RALGPS2: variants seen among roughly 807,000 people sequenced by gnomAD.
RALGPS2 encodes Ral GEF with PH domain and SH3 binding motif 2, also known as ras-specific guanine nucleotide-releasing factor RalGPS2.
Under a neutral mutation model 86.8 loss-of-function variants are expected in RALGPS2, and 43 were observed. The ratio of observed to expected loss-of-function variants is 0.50; its 90% CI spans 0.39 to 0.64. RALGPS2 has a LOEUF of 0.64. Among genes scored for constraint, RALGPS2 ranks in the 30% least tolerant of loss-of-function variants. RALGPS2 has a pLI of 0.00. For missense variants in RALGPS2, 536 were observed against 694.6 expected (o/e 0.77, Z 2.57); for synonymous variants, 243 against 231.3 (o/e 1.05, Z -0.46).
intron 8 of RALGPS2, among the ~76,000 whole-genome samples, chr1:178,862,602 TTTA>T (rs1423697181): frequency 1.5e-5 from 2 of 137,104 alleles, no homozygotes; most frequent in Non-Finnish European, 1.5e-5. Context: ...TTTTTATTTA[TTTA>T]TTTATTTATT....
At chr1:178,757,908 A>G (rs562554878) in intron 1 of RALGPS2, among the ~76,000 whole-genome samples, 8 of 152,204 alleles carry the variant, frequency 5.3e-5, no homozygotes, top group South Asian at 2.1e-4. Context: ...TTGTGAATCC[A>G]TCTGGTCTAG....
intron 1 of RALGPS2, among the ~76,000 whole-genome samples, chr1:178,764,112 G>T (rs956718613): frequency 6.6e-6 from 1 of 151,522 alleles, no homozygotes; most frequent in Non-Finnish European, 1.5e-5. Context: ...CTCTTCATAG[G>T]TCTCTAAGAA....
At chr1:178,813,130 A>G (rs1381851136) in intron 6 of RALGPS2, among the ~76,000 whole-genome samples, 1 of 151,790 alleles carries the variant, frequency 6.6e-6, no homozygotes, top group East Asian at 1.9e-4. Context: ...ATGGGGTTTC[A>G]CCATGTTGGG....
intron 8 of RALGPS2, among the ~76,000 whole-genome samples, chr1:178,863,963 T>C (rs1658212173): frequency 6.6e-6 from 1 of 152,210 alleles, no homozygotes; most frequent in East Asian, 1.9e-4. Flanking sequence ...TCCTGCCTTT[T>C]CAATAAGTGA....
At chr1:178,791,639 A>G (rs892830339) in intron 4 of RALGPS2, among the ~76,000 whole-genome samples, 1 of 152,200 alleles carries the variant, frequency 6.6e-6, no homozygotes, top group Non-Finnish European at 1.5e-5. Flanking sequence ...TGAGTTACGT[A>G]TAATATATAT....
intron 4 of RALGPS2, among the ~76,000 whole-genome samples, chr1:178,805,004 T>C (rs1268132568): frequency 1.3e-5 from 2 of 149,506 alleles, no homozygotes; most frequent in East Asian, 3.9e-4. Flanking sequence ...ATTGTGGTTT[T>C]GATTTGCATT....
At chr1:178,827,633 G>A (rs899027975) in intron 7 of RALGPS2, among the ~76,000 whole-genome samples, 1 of 151,920 alleles carries the variant, frequency 6.6e-6, no homozygotes, top group Non-Finnish European at 1.5e-5. Context: ...CTGACCTCGT[G>A]ATCCGCCCGC....
chr1:178,743,315 T>G (rs991016167), intron 1 of RALGPS2, among the ~76,000 whole-genome samples: 1 of 152,122 alleles, frequency 6.6e-6, no homozygotes, highest in Non-Finnish European at 1.5e-5. Context: ...AGATCTCAAA[T>G]CATTCACTTC....
At chr1:178,755,972 C>G (rs1651940047) in intron 1 of RALGPS2, among the ~76,000 whole-genome samples, 1 of 152,172 alleles carries the variant, frequency 6.6e-6, no homozygotes, top group South Asian at 2.1e-4. Flanking sequence ...TTCTTGGCCA[C>G]TTGTATGTCT....
At position 178,918,002 on chromosome 1, in the gene RALGPS2, A is replaced by G. The variant is rs1163646233; in HGVS notation, c.*1643A>G. The G allele has an allele frequency of 2.6e-5, 4 of 152,206 alleles. No homozygotes were observed. Among genetic ancestry groups the G allele is most frequent in the Non-Finnish European group, 5.9e-5 (4 of 68,016 alleles). 9.4% of individuals were successfully genotyped at this position (152,206 alleles called of 1,614,324 possible). A position where few individuals can be genotyped will look rare whatever the true frequency, so the allele number is the denominator to read the frequency against. The stretch of plus-strand genomic sequence containing the variant: ...TTCAATAGAAAATATTGCTTATACA[A>G]TAATTAGCTTAAAATCCATCCAAAG... On this transcript the variant is annotated 3_prime_UTR_variant, in exon 20 of 20. Transcript: ENST00000367635.
chr1:178,843,667 A>G (rs1239438619), intron 8 of RALGPS2, among the ~76,000 whole-genome samples: 1 of 151,066 alleles, frequency 6.6e-6, no homozygotes, highest in African/African-American at 2.4e-5. Context: ...AAAAAAAAAA[A>G]GAAAGAAAGA....
chr1:178,843,617 A>C (rs1198850155), intron 8 of RALGPS2, among the ~76,000 whole-genome samples: 1 of 151,706 alleles, frequency 6.6e-6, no homozygotes, highest in African/African-American at 2.4e-5. Context: ...ACAAACCTGC[A>C]CATTGTGTAC....
rs200703895 is a variant in RALGPS2, at chr1:178,835,479, G to A, written c.607+1929G>A. Among the ~76,000 whole-genome samples the A allele has an allele frequency of 2.7e-4, 39 of 144,438 alleles. No homozygotes were observed. The East Asian group carries it at 4.1e-3, about 15-fold the overall frequency. 94.8% of individuals were successfully genotyped at this position (144,438 alleles called of 152,430 possible). A position where few individuals can be genotyped will look rare whatever the true frequency, so the allele number is the denominator to read the frequency against. On this transcript the variant is annotated intron_variant, in intron 8 of 19. Coordinates refer to ENST00000367635, the MANE Select transcript of RALGPS2 (RefSeq NM_152663.5). ...ACAGTCTCAGCTCACTGCAACCTCC[G>A]CCTCCTGGGTTCAAGTGATTCTCCT...
intron 19 of RALGPS2, 132 bp downstream of exon 19, chr1:178,906,999 G>C: frequency 1.3e-6 from 1 of 774,886 alleles, no homozygotes; most frequent in Non-Finnish European, 2.1e-6. Flanking sequence ...GTTGATTACA[G>C]TTAATAAGAT....
At chr1:178,795,243 G>A (rs1430280552) in intron 4 of RALGPS2, among the ~76,000 whole-genome samples, 1 of 151,134 alleles carries the variant, frequency 6.6e-6, no homozygotes, top group African/African-American at 2.4e-5. Flanking sequence ...AATACATTAA[G>A]TCAGACATTT....
chr1:178,883,377 A>AGG, intron 10 of RALGPS2, 89 bp from the exon 11 acceptor site: 1 of 1,011,410 alleles, frequency 9.9e-7, no homozygotes, highest in Non-Finnish European at 1.5e-6. Flanking sequence ...AAATGTTTTT[A>AGG]GTTTTTTTGT....
At chr1:178,817,930 A>C (rs757343863) in intron 6 of RALGPS2, among the ~76,000 whole-genome samples, 1 of 152,212 alleles carries the variant, frequency 6.6e-6, no homozygotes, top group Non-Finnish European at 1.5e-5. Flanking sequence ...CTGAAAATAA[A>C]GGCAGATTTG....
chr1:178,783,026 A>C (rs1187054301), intron 2 of RALGPS2, among the ~76,000 whole-genome samples: 1 of 152,206 alleles, frequency 6.6e-6, no homozygotes, highest in African/African-American at 2.4e-5. Context: ...AACCACACTC[A>C]TGAGGCAGAG....
rs1273855640 is a variant in RALGPS2 at position 178,864,945 on chromosome 1, G to A, written c.608-12553G>A. 2.1e-6 allele frequency: 3 copies of A among 1,436,134 alleles called. No individual in the cohort carries two copies. The African/African-American group carries it at 4.3e-5, about 20-fold the overall frequency. The allele number at this position is 1,436,134 out of a possible 1,614,324, so 89.0% of individuals were successfully genotyped here. A position where few individuals can be genotyped will look rare whatever the true frequency, so the allele number is the denominator to read the frequency against. ...ATACTCCCACTTTTTACAGTAAGAG[G>A]TAACTCACCTTCATTGATGAAAGTT... is the stretch of plus-strand genomic sequence containing the variant. On this transcript the variant is annotated intron_variant, in intron 8 of 19. Coordinates refer to ENST00000367635, the MANE Select transcript of RALGPS2 (RefSeq NM_152663.5).
Sources: gnomAD v4.1 joint callset for allele counts (sites outside exome capture counted in the v4.1 genomes callset) on GRCh38, gnomAD v4.1.1 for gene constraint, MANE v1.5 for transcripts, NCBI Gene and HGNC (gene_info 2026-07-23, HGNC 2026-07-21) for gene names.